The following HLCS variants were observed in gnomAD, a reference collection of about 807,000 sequenced individuals.
HLCS encodes the protein biotin--protein ligase.
HLCS carries 53 observed loss-of-function variants against 75.0 expected under a neutral mutation model. That is an observed-to-expected ratio of 0.71 (90% confidence interval 0.57 to 0.89). HLCS has a LOEUF of 0.89. Among genes scored for constraint, HLCS ranks in the 40% least tolerant of loss-of-function variants. HLCS has a pLI of 0.00. For synonymous variants in HLCS, 431 were observed against 428.6 expected, an observed-to-expected ratio of 1.01 and a Z score of -0.07; for missense variants, 966 against 1,074.0, an observed-to-expected ratio of 0.90 and a Z score of 1.41.
chr21:36,770,336 G>A (rs2060167745), intron 6 of HLCS, among the ~76,000 whole-genome samples: 2 of 151,616 alleles, frequency 1.3e-5, no homozygotes. Context: ...TAGTAGAGAC[G>A]AGGTTTCATC....
chr21:36,773,593 G>T (rs1433628788), intron 6 of HLCS, among the ~76,000 whole-genome samples: 1 of 152,196 alleles, frequency 6.6e-6, no homozygotes, highest in African/African-American at 2.4e-5. Flanking sequence ...ACACCAGTCT[G>T]TGCTTCTCTT....
At chr21:36,936,389 T>A in intron 4 of HLCS, 60 bp downstream of exon 4, 2 of 1,404,438 alleles carry the variant, frequency 1.4e-6, no homozygotes, top group Non-Finnish European at 2.0e-6. Context: ...AAAGACATAT[T>A]CCCTCGCAAA....
At chr21:36,883,666 G>A (rs981727467) in intron 6 of HLCS, among the ~76,000 whole-genome samples, 8 of 152,124 alleles carry the variant, frequency 5.3e-5, no homozygotes, top group African/African-American at 1.7e-4. Context: ...TATCAGCAGC[G>A]CTGTGTGGGG....
At chr21:36,785,845 C>T (rs554941899) in intron 6 of HLCS, among the ~76,000 whole-genome samples, 1 of 152,200 alleles carries the variant, frequency 6.6e-6, no homozygotes, top group Non-Finnish European at 1.5e-5. Context: ...CTCCCTCCCA[C>T]CTATGAGTCT....
Position 36,768,210 on chromosome 21 carries a change from A to AT in HLCS, c.1893-926dup, listed in dbSNP as rs1355586222. ...CAGTGCAGATGAGGGGGCCTCTTTG[A>AT]TTTTTTTCTTTTCTTTTCTTTCTTG... On this transcript the variant is annotated intron_variant, in intron 6 of 10. Transcript: ENST00000674895. Among the ~76,000 whole-genome samples the AT allele has an allele frequency of 6.6e-5, 10 of 152,208 alleles. No homozygotes were observed. The East Asian group carries it at 1.9e-3, about 29-fold the overall frequency.
At chr21:36,921,817 TGTGAACCTCGTGTCAAG>T (rs2066180510) in intron 5 of HLCS, among the ~76,000 whole-genome samples, 2 of 152,120 alleles carry the variant, frequency 1.3e-5, no homozygotes, top group Admixed American at 6.5e-5. Flanking sequence ...AAAATTGTGC[TGTGAACCTCGTGTCAAG>T]GGAAAGTGCA....
intron 6 of HLCS, among the ~76,000 whole-genome samples, chr21:36,807,009 TG>T (rs1298080350): frequency 6.6e-6 from 1 of 152,208 alleles, no homozygotes; most frequent in Non-Finnish European, 1.5e-5. Context: ...TCTTTTGCCA[TG>T]GGGCTACTCA....
chr21:36,983,431 G>A (rs1419711887), intron 1 of HLCS, among the ~76,000 whole-genome samples: 4 of 151,642 alleles, frequency 2.6e-5, no homozygotes, highest in South Asian at 2.1e-4. Context: ...GGCTGGTCTC[G>A]AACCCCTGAC....
chr21:36,914,161 ATGGG>A (rs1196365535), intron 5 of HLCS, among the ~76,000 whole-genome samples: 5 of 152,200 alleles, frequency 3.3e-5, no homozygotes, highest in Non-Finnish European at 7.3e-5. Context: ...GAGCCCAGGG[ATGGG>A]CCGACAGGTG....
chr21:36,942,398 C>CAAAAAAAA (rs55999516), intron 2 of HLCS, among the ~76,000 whole-genome samples: 8 of 80,932 alleles, frequency 9.9e-5, no homozygotes, highest in African/African-American at 2.5e-4. Flanking sequence ...GACTCCGTCT[C>CAAAAAAAA]AAAAAAAAAA....
At chr21:36,876,323 C>T (rs958397843) in intron 6 of HLCS, among the ~76,000 whole-genome samples, 4 of 152,166 alleles carry the variant, frequency 2.6e-5, no homozygotes, top group East Asian at 1.9e-4. Flanking sequence ...GTGACATTTT[C>T]GTATACATTT....
intron 9 of HLCS, among the ~76,000 whole-genome samples, chr21:36,759,312 G>C (rs1417827235): frequency 6.6e-6 from 1 of 152,218 alleles, no homozygotes. Flanking sequence ...TTCTTCTGAA[G>C]GTTAAAATGA....
intron 6 of HLCS, among the ~76,000 whole-genome samples, chr21:36,830,347 T>C (rs998801603): frequency 6.6e-6 from 1 of 152,176 alleles, no homozygotes; most frequent in African/African-American, 2.4e-5. Flanking sequence ...ACATCAGCCT[T>C]TTCCCATCCA....
intron 6 of HLCS, among the ~76,000 whole-genome samples, chr21:36,838,756 A>T (rs1357035394): frequency 6.6e-6 from 1 of 152,056 alleles, no homozygotes; most frequent in African/African-American, 2.4e-5. Flanking sequence ...ACACACACAC[A>T]CACAGAGGAG....
chr21:36,816,141 A>G (rs1302253228), intron 6 of HLCS, among the ~76,000 whole-genome samples: 2 of 152,134 alleles, frequency 1.3e-5, no homozygotes, highest in Non-Finnish European at 2.9e-5. Flanking sequence ...TGGGTTCCAT[A>G]CTACTCTTAG....
intron 6 of HLCS, among the ~76,000 whole-genome samples, chr21:36,868,829 G>A (rs1449025060): frequency 6.6e-6 from 1 of 152,088 alleles, no homozygotes; most frequent in Non-Finnish European, 1.5e-5. Context: ...AGGGTCTCCG[G>A]AACCTGGGAG....
At chr21:36,784,735 CT>C (rs1569004744) in intron 6 of HLCS, among the ~76,000 whole-genome samples, 1 of 152,068 alleles carries the variant, frequency 6.6e-6, no homozygotes, top group Non-Finnish European at 1.5e-5. Flanking sequence ...CTTGCTTTAT[CT>C]TTTTTTCTGA....
At chr21:36,761,084 T>C (rs1301319082) in intron 8 of HLCS, among the ~76,000 whole-genome samples, 1 of 152,218 alleles carries the variant, frequency 6.6e-6, no homozygotes, top group Non-Finnish European at 1.5e-5. Context: ...AGGCCGGGCA[T>C]GGCACCAAGC....
chr21:36,820,771 G>C (rs7279818), intron 6 of HLCS, among the ~76,000 whole-genome samples: 71,742 of 152,208 alleles, frequency 0.47, 19,608 homozygotes, highest in African/African-American at 0.76. Flanking sequence ...CAGAAAGTGG[G>C]ACGTCCCTGG....
Sources: allele counts gnomAD v4.1 joint callset (sites outside exome capture counted in the v4.1 genomes callset), GRCh38; gene constraint gnomAD v4.1.1; transcripts MANE v1.5; gene names NCBI Gene and HGNC (gene_info 2026-07-23, HGNC 2026-07-21).